The following CNTNAP2 variants were observed in gnomAD, a reference collection of about 807,000 sequenced individuals.
CNTNAP2 encodes contactin-associated protein-like 2.
A neutral mutation model predicts 155.2 loss-of-function variants in CNTNAP2; 98 were observed. The observed-to-expected ratio is 0.63, with a 90% CI of 0.54 to 0.75. The LOEUF is 0.75. Among genes scored for constraint, CNTNAP2 ranks in the 30% least tolerant of loss-of-function variants. CNTNAP2 has a pLI of 0.00. For synonymous variants in CNTNAP2, 651 were observed against 631.2 expected, an observed-to-expected ratio of 1.03 and a Z score of -0.47; for missense variants, 1,727 against 1,688.1, an observed-to-expected ratio of 1.02 and a Z score of -0.40.
intron 1 of CNTNAP2, among the ~76,000 whole-genome samples, chr7:146,281,852 T>A (rs144691105): frequency 3.9e-5 from 6 of 152,274 alleles, no homozygotes; most frequent in African/African-American, 1.4e-4. Flanking sequence ...AGTGTAACTA[T>A]ATCATAGGAT....
At chr7:146,206,183 A>C (rs1798943626) in intron 1 of CNTNAP2, among the ~76,000 whole-genome samples, 1 of 151,954 alleles carries the variant, frequency 6.6e-6, no homozygotes, top group Non-Finnish European at 1.5e-5. Flanking sequence ...TATGCTGTTA[A>C]AGAAAGAGTG....
intron 12 of CNTNAP2, among the ~76,000 whole-genome samples, chr7:147,633,662 C>T (rs938201463): frequency 4.6e-5 from 7 of 151,712 alleles, no homozygotes; most frequent in African/African-American, 9.7e-5. Context: ...GCAGTTTCCC[C>T]ACATCTTGTT....
At chr7:146,234,765 GCA>G (rs1198296932) in intron 1 of CNTNAP2, among the ~76,000 whole-genome samples, 3 of 152,140 alleles carry the variant, frequency 2.0e-5, no homozygotes, top group East Asian at 1.9e-4. Context: ...ATCTTAATTT[GCA>G]CAGAGTATTC....
At chr7:147,901,007 C>T (rs1216116231) in intron 13 of CNTNAP2, among the ~76,000 whole-genome samples, 1 of 152,022 alleles carries the variant, frequency 6.6e-6, no homozygotes, top group African/African-American at 2.4e-5. Context: ...ATCTTCCTTC[C>T]CTGTGCCCTA....
chr7:147,592,720 C>CA (rs1269479250), intron 12 of CNTNAP2, among the ~76,000 whole-genome samples: 2 of 151,900 alleles, frequency 1.3e-5, no homozygotes, highest in African/African-American at 2.4e-5. Flanking sequence ...ACGACAAGAA[C>CA]AAAAAAATGC....
At chr7:146,357,916 GC>G (rs1324515419) in intron 1 of CNTNAP2, among the ~76,000 whole-genome samples, 1 of 140,044 alleles carries the variant, frequency 7.1e-6, no homozygotes, top group Non-Finnish European at 1.5e-5. Context: ...AATGCACCCC[GC>G]CCCCCGCCAC....
chr7:147,137,917 G>A (rs3084347), intron 8 of CNTNAP2, among the ~76,000 whole-genome samples: 4,134 of 51,232 alleles, frequency 0.081, 67 homozygotes, highest in East Asian at 0.25. Flanking sequence ...AGATAGATAG[G>A]TAGATAGATA....
intron 1 of CNTNAP2, among the ~76,000 whole-genome samples, chr7:146,526,829 C>G (rs1463418824): frequency 1.3e-5 from 2 of 152,138 alleles, no homozygotes; most frequent in Non-Finnish European, 2.9e-5. Context: ...TATTTTAAGA[C>G]TCATTACATA....
At chr7:146,578,054 T>C (rs1405477017) in intron 1 of CNTNAP2, among the ~76,000 whole-genome samples, 2 of 152,162 alleles carry the variant, frequency 1.3e-5, no homozygotes, top group Admixed American at 6.6e-5. Context: ...TGCCTGGTTA[T>C]TAATTATTCT....
intron 2 of CNTNAP2, among the ~76,000 whole-genome samples, chr7:146,792,537 CA>C (rs1287806388): frequency 3.9e-5 from 6 of 152,198 alleles, no homozygotes; most frequent in African/African-American, 1.2e-4. Context: ...GTGTCAAAAT[CA>C]GTGTTGAAAG....
chr7:146,953,967 G>A (rs1174118922), intron 3 of CNTNAP2, among the ~76,000 whole-genome samples: 1 of 151,842 alleles, frequency 6.6e-6, no homozygotes, highest in Non-Finnish European at 1.5e-5. Flanking sequence ...CTTGTTTCTA[G>A]TTTTTGCTGA....
chr7:148,108,972 T>A (rs1174275813), intron 15 of CNTNAP2, among the ~76,000 whole-genome samples: 3 of 152,218 alleles, frequency 2.0e-5, no homozygotes, highest in African/African-American at 7.2e-5. Context: ...ATTGTCAATT[T>A]ATGATTTCTA....
chr7:147,520,998 T>G (rs1799220744), intron 11 of CNTNAP2, among the ~76,000 whole-genome samples: 1 of 152,228 alleles, frequency 6.6e-6, no homozygotes, highest in African/African-American at 2.4e-5. Flanking sequence ...GACAGTAAAA[T>G]TAACATTCCT....
At chr7:147,585,831 TTATA>T (rs1800609561) in intron 12 of CNTNAP2, among the ~76,000 whole-genome samples, 2 of 152,038 alleles carry the variant, frequency 1.3e-5, no homozygotes, top group Non-Finnish European at 2.9e-5. Context: ...ATGTATGTGT[TTATA>T]TATAATACTT....
chr7:147,629,361 C>A (rs1451741881), intron 12 of CNTNAP2, among the ~76,000 whole-genome samples: 1 of 151,296 alleles, frequency 6.6e-6, no homozygotes, highest in Non-Finnish European at 1.5e-5. Flanking sequence ...TGAGATTGCA[C>A]CACTGCACTC....
At position 147,581,475 on chromosome 7, in the gene CNTNAP2, A is replaced by G. The variant is rs1800498835; in HGVS notation, c.1897+19218A>G. ...GCTCCACATTGCTTTGGACAATGTC[A>G]GGATCACTGGAATAAGTACATAGCA... is the stretch of plus-strand genomic sequence containing the variant. On this transcript the variant is annotated intron_variant, in intron 12 of 23. Transcript: ENST00000361727. 2.0e-5 allele frequency among the ~76,000 whole-genome samples: 3 copies of G among 152,232 alleles called. No homozygotes were observed. In the South Asian group the frequency reaches 6.2e-4, roughly 31 times the overall value.
chr7:148,413,764 T>C (rs1392991329), intron 23 of CNTNAP2, among the ~76,000 whole-genome samples: 1 of 152,152 alleles, frequency 6.6e-6, no homozygotes, highest in Non-Finnish European at 1.5e-5. Context: ...GTTAGATTTA[T>C]ACACATTAGG....
chr7:146,606,463 A>G (rs1347812411), intron 1 of CNTNAP2, among the ~76,000 whole-genome samples: 1 of 152,202 alleles, frequency 6.6e-6, no homozygotes, highest in African/African-American at 2.4e-5. Flanking sequence ...TTCTATGAAG[A>G]AAGATAATTG....
intron 8 of CNTNAP2, among the ~76,000 whole-genome samples, chr7:147,263,156 G>C (rs1804530071): frequency 6.6e-6 from 1 of 152,104 alleles, no homozygotes; most frequent in South Asian, 2.1e-4. Context: ...AGACCAGCCT[G>C]GGCAATATGG....
Sources: gnomAD v4.1 joint callset for allele counts (sites outside exome capture counted in the v4.1 genomes callset) on GRCh38, gnomAD v4.1.1 for gene constraint, MANE v1.5 for transcripts, NCBI Gene and HGNC (gene_info 2026-07-23, HGNC 2026-07-21) for gene names.